RAB2A: variants seen among roughly 807,000 people sequenced by gnomAD.
RAB2A encodes RAB2A, member RAS oncogene family.
In RAB2A, 7 loss-of-function variants were observed where a neutral mutation model predicts 32.5. The ratio of observed to expected loss-of-function variants is 0.22; its 90% confidence interval spans 0.12 to 0.40. RAB2A has a LOEUF of 0.40. Among genes scored for constraint, RAB2A ranks in the 10% least tolerant of loss-of-function variants. The probability of loss-of-function intolerance (pLI) is 1.00; values close to 1 mark genes in which losing one functional copy is unlikely to be tolerated. For synonymous variants in RAB2A, 79 were observed against 85.2 expected (o/e 0.93, Z 0.40); for missense variants, 108 against 260.7 (o/e 0.41, Z 4.03).
At chr8:60,548,783 T>C (rs1226097205) in intron 1 of RAB2A, among the ~76,000 whole-genome samples, 2 of 117,054 alleles carry the variant, frequency 1.7e-5, no homozygotes, top group Non-Finnish European at 3.4e-5. Context: ...TCCCCCCACC[T>C]CCCTCCCAGA....
At chr8:60,530,027 A>G (rs1045209503) in intron 1 of RAB2A, among the ~76,000 whole-genome samples, 3 of 148,320 alleles carry the variant, frequency 2.0e-5, no homozygotes, top group African/African-American at 5.0e-5. Context: ...CTGGAGTGCA[A>G]TAGCATTATC....
At chr8:60,523,163 C>CTT (rs71557794) in intron 1 of RAB2A, among the ~76,000 whole-genome samples, 1 of 145,746 alleles carries the variant, frequency 6.9e-6, no homozygotes, top group Non-Finnish European at 1.5e-5. Flanking sequence ...CATTCTTTTT[C>CTT]TTTTTTTTTT....
At chr8:60,598,937 C>CAAACAAAAAA (rs1804078612) in intron 6 of RAB2A, among the ~76,000 whole-genome samples, 1 of 40,368 alleles carries the variant, frequency 2.5e-5, no homozygotes, top group Non-Finnish European at 5.1e-5. Flanking sequence ...TGCAGTAAAG[C>CAAACAAAAAA]AAAAAAAAAA....
intron 6 of RAB2A, among the ~76,000 whole-genome samples, chr8:60,608,534 TCC>T (rs1804279295): frequency 2.2e-5 from 3 of 136,466 alleles, no homozygotes; most frequent in Admixed American, 7.5e-5. Context: ...CCTCTCCTTC[TCC>T]TCCTTCTCTC....
At chr8:60,542,978 C>A (rs1252184989) in intron 1 of RAB2A, among the ~76,000 whole-genome samples, 1 of 152,230 alleles carries the variant, frequency 6.6e-6, no homozygotes, top group Admixed American at 6.5e-5. Flanking sequence ...CTAGCTTTCA[C>A]TGGGCAGCCT....
intron 5 of RAB2A, among the ~76,000 whole-genome samples, chr8:60,587,431 G>T (rs1365876228): frequency 6.6e-6 from 1 of 152,146 alleles, no homozygotes; most frequent in Non-Finnish European, 1.5e-5. Context: ...ACAAATTGTA[G>T]TGACCCTGTT....
intron 6 of RAB2A, among the ~76,000 whole-genome samples, chr8:60,617,022 T>G (rs1286435783): frequency 6.6e-6 from 1 of 152,250 alleles, no homozygotes; most frequent in East Asian, 1.9e-4. Context: ...ATTAGGTCTG[T>G]ATCAGTGGTA....
At chr8:60,558,753 T>C in intron 1 of RAB2A, 99 bp from the exon 2 acceptor site, 1 of 939,080 alleles carries the variant, frequency 1.1e-6, no homozygotes, top group East Asian at 2.4e-5. Context: ...TTATTCACAG[T>C]GCACCAGAAA....
intron 6 of RAB2A, among the ~76,000 whole-genome samples, chr8:60,597,881 G>T (rs2150431074): frequency 6.6e-6 from 1 of 152,326 alleles, no homozygotes; most frequent in East Asian, 1.9e-4. Flanking sequence ...CATAAAAGAG[G>T]TAATTAGGGA....
chr8:60,559,075 A>G, intron 2 of RAB2A, 152 bp downstream of exon 2: 1 of 577,930 alleles, frequency 1.7e-6, no homozygotes, highest in East Asian at 2.9e-5. Context: ...TTTTAAAAAT[A>G]TGTGTAGTAA....
At chr8:60,532,292 T>C (rs1807488694) in intron 1 of RAB2A, among the ~76,000 whole-genome samples, 1 of 152,194 alleles carries the variant, frequency 6.6e-6, no homozygotes, top group Non-Finnish European at 1.5e-5. Flanking sequence ...GTTTTAACTG[T>C]GTCAAAGGGA....
At chr8:60,552,610 C>A (rs1348062085) in intron 1 of RAB2A, 1 of 152,166 alleles carries the variant, frequency 6.6e-6, no homozygotes, top group African/African-American at 2.4e-5. Flanking sequence ...AATAATAAAT[C>A]ATCAAGGCCA....
chr8:60,523,692 ATTT>A (rs775682052), intron 1 of RAB2A, among the ~76,000 whole-genome samples: 4 of 129,310 alleles, frequency 3.1e-5, no homozygotes, highest in Non-Finnish European at 3.4e-5. Context: ...GTTAACCTTC[ATTT>A]TTTTTTTTTT....
chr8:60,537,472 CTCGACCT>C, intron 1 of RAB2A, among the ~76,000 whole-genome samples: 1 of 152,264 alleles, frequency 6.6e-6, no homozygotes, highest in Middle Eastern at 3.4e-3. Flanking sequence ...ATCCACCCGC[CTCGACCT>C]TCCAAAGTGC....
intron 1 of RAB2A, among the ~76,000 whole-genome samples, chr8:60,532,877 A>G (rs946274796): frequency 5.9e-5 from 9 of 152,254 alleles, no homozygotes; most frequent in African/African-American, 1.9e-4. Flanking sequence ...GCAAGCGGGA[A>G]GGAGCATGCT....
intron 1 of RAB2A, among the ~76,000 whole-genome samples, chr8:60,537,617 G>T (rs540134977): frequency 6.6e-6 from 1 of 152,214 alleles, no homozygotes; most frequent in South Asian, 2.1e-4. Context: ...TCACACCAGA[G>T]GACCTCTCTA....
intron 1 of RAB2A, among the ~76,000 whole-genome samples, chr8:60,517,611 C>T (rs1224263811): frequency 1.3e-5 from 2 of 152,016 alleles, no homozygotes; most frequent in Admixed American, 6.5e-5. Context: ...TAGGTCTCTT[C>T]GCGGCCCCAG....
chr8:60,620,859 TTGAAA>T lies in RAB2A; in HGVS notation c.*93_*97del. ...CTGCTCAGCTGAGACATGAAACTAT[TTGAAA>T]TGGCTTTATGTCACAGAAGACTTTA... On this transcript the variant is annotated 3_prime_UTR_variant, in exon 8 of 8. Transcript: ENST00000262646. 2.8e-6 allele frequency: 3 copies of T among 1,058,290 alleles called. No individual in the cohort carries two copies. Among genetic ancestry groups the T allele is most frequent in the Non-Finnish European group, 4.1e-6 (3 of 739,208 alleles). 65.6% of individuals were successfully genotyped at this position (1,058,290 alleles called of 1,614,324 possible). A position where few individuals can be genotyped will look rare whatever the true frequency, so the allele number is the denominator to read the frequency against.
chr8:60,560,636 G>A (rs1808007069), intron 2 of RAB2A, among the ~76,000 whole-genome samples: 1 of 152,170 alleles, frequency 6.6e-6, no homozygotes. Context: ...CTTAAGCCCA[G>A]CGTGTCCAAC....
Sources: allele counts gnomAD v4.1 joint callset (sites outside exome capture counted in the v4.1 genomes callset), GRCh38; gene constraint gnomAD v4.1.1; transcripts MANE v1.5; gene names NCBI Gene and HGNC (gene_info 2026-07-23, HGNC 2026-07-21).